Variants in CNTN3 observed in about 807,000 individuals in gnomAD.
CNTN3 encodes the protein contactin 3.
A neutral mutation model predicts 119.1 loss-of-function variants in CNTN3; 60 were observed. That is an observed-to-expected ratio of 0.50 (90% CI 0.41 to 0.62). The LOEUF (loss-of-function observed/expected upper bound fraction) is 0.62. Ranked by LOEUF, CNTN3 falls within the 20% of genes least tolerant of loss-of-function variation. CNTN3 has a pLI of 0.00. For synonymous variants in CNTN3, 450 were observed against 438.7 expected (o/e 1.03, Z -0.32); for missense variants, 1,101 against 1,242.4 (o/e 0.89, Z 1.71).
At chr3:74,428,187 TA>T (rs1467535669) in intron 4 of CNTN3, among the ~76,000 whole-genome samples, 1 of 152,178 alleles carries the variant, frequency 6.6e-6, no homozygotes, top group Non-Finnish European at 1.5e-5. Context: ...TTGAGAATGA[TA>T]CTAAATAACT....
At chr3:74,470,194 AATGGAGAG>A (rs1345539738) in intron 4 of CNTN3, among the ~76,000 whole-genome samples, 1 of 152,072 alleles carries the variant, frequency 6.6e-6, no homozygotes, top group Non-Finnish European at 1.5e-5. Flanking sequence ...TTTTGGGGGA[AATGGAGAG>A]ATGGCTAATG....
At chr3:74,307,059 C>T (rs775337956) in intron 13 of CNTN3, among the ~76,000 whole-genome samples, 15 of 151,962 alleles carry the variant, frequency 9.9e-5, no homozygotes, top group Non-Finnish European at 2.2e-4. Flanking sequence ...CAGAAGTTGT[C>T]CAGGAAAAGT....
intron 3 of CNTN3, among the ~76,000 whole-genome samples, chr3:74,491,506 C>T (rs1319771609): frequency 6.7e-6 from 1 of 150,060 alleles, no homozygotes; most frequent in African/African-American, 2.5e-5. Context: ...TCTCAAAAAA[C>T]AAAAAACAAA....
rs188175135 is a variant in CNTN3, at chr3:74,376,769, C to T, written c.455-5370G>A. ...TGCCAAAAAGTTTGGGGACTGCTGA[C>T]TTAAAGCCACTAAGTTTGTAGTAAT... On this transcript the variant is annotated intron_variant, in intron 5 of 22. Transcript: ENST00000263665. 4.5e-4 allele frequency among the ~76,000 whole-genome samples: 68 copies of T among 152,112 alleles called. 1 individual carries two copies. The East Asian group carries it at 0.013, about 29-fold the overall frequency.
At chr3:74,472,437 C>A (rs78182360) in intron 4 of CNTN3, among the ~76,000 whole-genome samples, 3,370 of 152,238 alleles carry the variant, frequency 0.022, 105 homozygotes, top group African/African-American at 0.072. Context: ...ACTATTCCCC[C>A]CAATAATGTA....
chr3:74,331,186 C>T (rs1230661633), intron 13 of CNTN3, among the ~76,000 whole-genome samples: 1 of 152,194 alleles, frequency 6.6e-6, no homozygotes. Context: ...AAACTCCATT[C>T]ACAGTAAGTG....
chr3:74,594,866 C>G (rs1257040055), intron 1 of CNTN3, among the ~76,000 whole-genome samples: 1 of 151,836 alleles, frequency 6.6e-6, no homozygotes, highest in South Asian at 2.1e-4. Context: ...CCTGAGGAAT[C>G]GCCACACTGA....
At chr3:74,553,085 TAGCCCCCCAACCCCC>T (rs1704015715) in intron 1 of CNTN3, among the ~76,000 whole-genome samples, 1 of 119,344 alleles carries the variant, frequency 8.4e-6, no homozygotes, top group African/African-American at 3.2e-5. Context: ...ATCCCTCCCC[TAGCCCCCCAACCCCC>T]ACAGGCCCCC....
chr3:74,445,550 T>C (rs1404014817), intron 4 of CNTN3, among the ~76,000 whole-genome samples: 1 of 152,174 alleles, frequency 6.6e-6, no homozygotes, highest in Non-Finnish European at 1.5e-5. Flanking sequence ...ATGAAAGCCT[T>C]CTACCAGAAT....
intron 4 of CNTN3, among the ~76,000 whole-genome samples, chr3:74,456,994 A>G (rs571980777): frequency 6.6e-6 from 1 of 152,084 alleles, no homozygotes; most frequent in Non-Finnish European, 1.5e-5. Flanking sequence ...CAAAATTCTA[A>G]AAGTTCTTTC....
chr3:74,385,182 C>T (rs1451668636), intron 5 of CNTN3, among the ~76,000 whole-genome samples: 1 of 152,024 alleles, frequency 6.6e-6, no homozygotes. Context: ...TCTTTTGCAC[C>T]ATTTGGTCCC....
intron 1 of CNTN3, among the ~76,000 whole-genome samples, chr3:74,538,219 T>C (rs775855523): frequency 6.6e-5 from 10 of 152,232 alleles, no homozygotes; most frequent in Non-Finnish European, 7.4e-5. Flanking sequence ...TTATATAAAC[T>C]TGGGGTGGGT....
intron 17 of CNTN3, among the ~76,000 whole-genome samples, chr3:74,299,182 T>C (rs927643972): frequency 1.3e-5 from 2 of 152,042 alleles, no homozygotes; most frequent in Non-Finnish European, 2.9e-5. Flanking sequence ...CACTCCAGAC[T>C]GGGCAACAGA....
chr3:74,432,112 C>A (rs563954128), intron 4 of CNTN3, among the ~76,000 whole-genome samples: 19 of 152,150 alleles, frequency 1.2e-4, no homozygotes, highest in Non-Finnish European at 2.4e-4. Flanking sequence ...CAAATTACAT[C>A]ATTACATGAA....
intron 1 of CNTN3, among the ~76,000 whole-genome samples, chr3:74,559,783 T>C (rs900743205): frequency 3.3e-5 from 5 of 151,828 alleles, no homozygotes; most frequent in Non-Finnish European, 7.4e-5. Context: ...GATTATACCA[T>C]GCAATTGCTT....
At chr3:74,423,063 G>T (rs908675250) in intron 5 of CNTN3, among the ~76,000 whole-genome samples, 1 of 152,128 alleles carries the variant, frequency 6.6e-6, no homozygotes, top group Non-Finnish European at 1.5e-5. Flanking sequence ...CCTCCACAAG[G>T]AAGATACATG....
Position 74,298,161 on chromosome 3 carries a change from C to T in CNTN3, c.2197G>A (p.Gly733Ser), listed in dbSNP as rs767305444. The change falls in exon 18 of 23, where the codon GGT becomes AGT. Residue 733 changes from glycine to serine, a missense_variant. Gly to Ser is a moderately conservative substitution (Grantham distance 56). Coordinates refer to ENST00000263665, the MANE Select transcript of CNTN3 (RefSeq NM_020872.3). ...CGGAAAGCAACAACATACCCAAAAC[C>T]TTCACCATTCTGTAGTTCTTCAGGG... ...PVPEELQNGE[G>S]FGYVVAFRPL... The T allele has an allele frequency of 1.2e-6, 2 of 1,603,484 alleles. No individual in the cohort carries two copies. Among genetic ancestry groups the T allele is most frequent in the African/African-American group, 2.7e-5 (2 of 74,724 alleles).
chr3:74,332,601 G>T (rs1703291558), intron 13 of CNTN3, among the ~76,000 whole-genome samples: 1 of 152,180 alleles, frequency 6.6e-6, no homozygotes, highest in African/African-American at 2.4e-5. Context: ...ATCTGGCTCA[G>T]TCTTAGTGTT....
intron 7 of CNTN3, 49 bp downstream of exon 7, chr3:74,369,840 A>G (rs752073016): frequency 1.0e-6 from 1 of 976,494 alleles, no homozygotes; most frequent in South Asian, 1.5e-5. Context: ...CTGATTTCTT[A>G]TAGCAACCTA....
Sources: gnomAD v4.1 joint callset for allele counts (sites outside exome capture counted in the v4.1 genomes callset) on GRCh38, gnomAD v4.1.1 for gene constraint, MANE v1.5 for transcripts, NCBI Gene and HGNC (gene_info 2026-07-23, HGNC 2026-07-21) for gene names.